Variants in DCDC2C observed in about 807,000 individuals in gnomAD.
DCDC2C encodes doublecortin domain-containing protein 2C.
DCDC2C carries 44 observed loss-of-function variants against 45.0 expected under a neutral mutation model. The observed-to-expected ratio is 0.98, with a 90% CI of 0.77 to 1.26. The LOEUF (loss-of-function observed/expected upper bound fraction) is 1.26. Ranked by LOEUF, DCDC2C falls within the 50% of genes most tolerant of loss-of-function variation. The pLI is 0.00. For missense variants in DCDC2C, 447 were observed against 468.9 expected (o/e 0.95, Z 0.43); for synonymous variants, 187 against 178.8 (o/e 1.05, Z -0.37).
At chr2:3,807,312 T>A (rs1311867118) in intron 10 of DCDC2C, among the ~76,000 whole-genome samples, 2 of 152,058 alleles carry the variant, frequency 1.3e-5, no homozygotes, top group Non-Finnish European at 2.9e-5. Flanking sequence ...AAGGCTGTGG[T>A]TTTTGGCAGC....
At chr2:3,835,624 C>T (rs1426740308) in intron 10 of DCDC2C, among the ~76,000 whole-genome samples, 2 of 152,202 alleles carry the variant, frequency 1.3e-5, no homozygotes, top group East Asian at 3.8e-4. Flanking sequence ...TAACAGTGAA[C>T]TAGATGTCTG....
chr2:3,789,101 C>G (rs1054280099), intron 10 of DCDC2C, among the ~76,000 whole-genome samples: 12 of 152,142 alleles, frequency 7.9e-5, no homozygotes, highest in African/African-American at 2.9e-4. Flanking sequence ...ATCCACCCAC[C>G]TCAGCCTCCC....
At chr2:3,771,671 T>G (rs1480090012) in intron 8 of DCDC2C, among the ~76,000 whole-genome samples, 1 of 152,170 alleles carries the variant, frequency 6.6e-6, no homozygotes, top group Non-Finnish European at 1.5e-5. Flanking sequence ...GAACATAGGA[T>G]GTGGTTTGTG....
intron 10 of DCDC2C, among the ~76,000 whole-genome samples, chr2:3,816,755 G>T (rs953174591): frequency 6.6e-6 from 1 of 152,224 alleles, no homozygotes; most frequent in African/African-American, 2.4e-5. Context: ...CTGACTTGGG[G>T]CATGTAAGTA....
intron 10 of DCDC2C, among the ~76,000 whole-genome samples, chr2:3,789,624 A>C (rs940018441): frequency 9.9e-5 from 15 of 152,004 alleles, no homozygotes; most frequent in African/African-American, 3.6e-4. Context: ...GTTTTCAACA[A>C]CTCTCCATTG....
At chr2:3,766,592 G>A (rs555515117) in intron 6 of DCDC2C, among the ~76,000 whole-genome samples, 5 of 152,106 alleles carry the variant, frequency 3.3e-5, no homozygotes, top group African/African-American at 1.2e-4. Context: ...AGGTTGGAGG[G>A]CTATTTTCAT....
At chr2:3,792,675 T>G (rs1310767735) in intron 10 of DCDC2C, among the ~76,000 whole-genome samples, 4 of 152,196 alleles carry the variant, frequency 2.6e-5, no homozygotes, top group Non-Finnish European at 5.9e-5. Flanking sequence ...TGGGAAGGCT[T>G]AATGAGAAAT....
In DCDC2C at chr2:3,725,662, T is replaced by C. The variant is rs878927298; in HGVS notation, c.340-1341T>C. ...TGGCCAGGTGGATCCCGGAGGGAGA[T>C]GAGCAGAGAGTGAGGAGGCTGCCAG... On this transcript the variant is annotated intron_variant, in intron 2 of 10. Transcript: ENST00000399143. Among the ~76,000 whole-genome samples the C allele has an allele frequency of 7.3e-3, 857 of 117,480 alleles. 2 individuals carry two copies. The highest frequency in any genetic ancestry group is 0.02 in the Middle Eastern group (3 of 152). The allele number at this position is 117,480 out of a possible 152,430, so 77.1% of individuals were successfully genotyped here.
At chr2:3,731,322 T>G (rs1414231536) in intron 3 of DCDC2C, among the ~76,000 whole-genome samples, 2 of 152,242 alleles carry the variant, frequency 1.3e-5, no homozygotes, top group Non-Finnish European at 2.9e-5. Context: ...CTCACGTTTC[T>G]GAGTCTCCTT....
At chr2:3,826,652 G>A (rs374496253) in intron 10 of DCDC2C, among the ~76,000 whole-genome samples, 2 of 152,046 alleles carry the variant, frequency 1.3e-5, no homozygotes, top group Non-Finnish European at 2.9e-5. Flanking sequence ...TCTGAGGTTC[G>A]AAGGTCCCCT....
intron 1 of DCDC2C, among the ~76,000 whole-genome samples, chr2:3,705,899 C>G (rs1267194564): frequency 2.6e-5 from 4 of 152,202 alleles, no homozygotes; most frequent in African/African-American, 9.7e-5. Flanking sequence ...GTCCGTGTGG[C>G]AGACAGCCTG....
At chr2:3,745,741 A>G (rs1669342498) in intron 4 of DCDC2C, among the ~76,000 whole-genome samples, 1 of 152,082 alleles carries the variant, frequency 6.6e-6, no homozygotes, top group African/African-American at 2.4e-5. Context: ...TTTTTTTAGG[A>G]GACTCTGTTG....
At chr2:3,771,656 A>G (rs1177495266) in intron 8 of DCDC2C, among the ~76,000 whole-genome samples, 1 of 152,174 alleles carries the variant, frequency 6.6e-6, no homozygotes, top group African/African-American at 2.4e-5. Context: ...TTTCCTATGG[A>G]GCAGGAACAT....
chr2:3,780,269 C>G (rs58492099), intron 9 of DCDC2C, among the ~76,000 whole-genome samples: 38 of 152,002 alleles, frequency 2.5e-4, no homozygotes, highest in African/African-American at 8.2e-4. Context: ...AGAGGGTGCT[C>G]TTATGTGAAT....
chr2:3,764,078 A>G (rs1375485577), intron 6 of DCDC2C, among the ~76,000 whole-genome samples: 1 of 152,234 alleles, frequency 6.6e-6, no homozygotes, highest in African/African-American at 2.4e-5. Flanking sequence ...ATGTAACCAG[A>G]GGAGGCATCG....
chr2:3,841,939 C>T (rs1572654914), intron 10 of DCDC2C, among the ~76,000 whole-genome samples: 2 of 152,084 alleles, frequency 1.3e-5, no homozygotes, highest in Admixed American at 1.3e-4. Context: ...TCAAAATGTG[C>T]TTTCATTGTC....
chr2:3,703,762 G>T lies in DCDC2C; in HGVS notation c.11G>T (p.Arg4Leu). Residue 4 changes from arginine (R) to leucine (L), a missense_variant, in exon 1 of 11, where the codon CGC becomes CTC. Arg to Leu is a moderately radical substitution (Grantham distance 102). Coordinates refer to ENST00000399143, the MANE Select transcript of DCDC2C (RefSeq NM_001287444.2). This position sits in a 1 kb window ranked among gnomAD's most constrained non-coding sequence, Gnocchi z 4.4. MGTRGPSAPVDTTP... is the reference protein window; with the variant it reads MGTLGPSAPVDTTP... The stretch of plus-strand genomic sequence containing the variant: ...GAGCGGGGCGCGGCTATGGGAACCC[G>T]CGGGCCCTCCGCGCCGGTGGACACC... 1 of 1,233,098 alleles carries T rather than the reference G, an allele frequency of 8.1e-7. No individual in the cohort carries two copies. The highest frequency in any genetic ancestry group is 1.0e-6 in the Non-Finnish European group (1 of 987,570). 76.4% of individuals were successfully genotyped at this position (1,233,098 alleles called of 1,614,324 possible).
At chr2:3,801,866 CCCTGGGCTGACGGG>C (rs1315775346) in intron 10 of DCDC2C, among the ~76,000 whole-genome samples, 1 of 152,262 alleles carries the variant, frequency 6.6e-6, no homozygotes, top group African/African-American at 2.4e-5. Context: ...GGGCTCCCAG[CCCTGGGCTGACGGG>C]ACACTACTGG....
chr2:3,790,677 A>G (rs1185198274), intron 10 of DCDC2C, among the ~76,000 whole-genome samples: 5 of 152,216 alleles, frequency 3.3e-5, no homozygotes, highest in Non-Finnish European at 7.3e-5. Flanking sequence ...CCATCACCAC[A>G]GCTAAGTCTT....
Sources: allele counts gnomAD v4.1 joint callset (sites outside exome capture counted in the v4.1 genomes callset), GRCh38; gene constraint gnomAD v4.1.1; non-coding constraint Gnocchi (gnomAD v3.1); transcripts MANE v1.5; gene names NCBI Gene and HGNC (gene_info 2026-07-23, HGNC 2026-07-21).